Variants in STX8 observed in about 807,000 individuals in gnomAD.
STX8 encodes syntaxin-8.
STX8 carries 23 observed loss-of-function variants against 37.5 expected under a neutral mutation model. The ratio of observed to expected loss-of-function variants is 0.61; its 90% CI spans 0.44 to 0.87. The LOEUF is 0.87. Ranked by LOEUF, STX8 falls within the 40% of genes least tolerant of loss-of-function variation. STX8 has a pLI of 0.00. For missense variants in STX8, 313 were observed against 284.7 expected (o/e 1.10, Z -0.71); for synonymous variants, 115 against 99.1 (o/e 1.16, Z -0.95).
rs1422394341 is a variant in STX8, at chr17:9,557,421, T to C, written c.212+13A>G. On this transcript the variant is annotated intron_variant, in intron 3 of 7. Coordinates refer to ENST00000306357, the MANE Select transcript of STX8 (RefSeq NM_004853.3). Reference sequence around the variant, plus strand: ...CCACTCTAGAAAAGAGGTGGAAATGTTTACATGGATACATCTGATGTGTTG... The same window carrying C: ...CCACTCTAGAAAAGAGGTGGAAATGCTTACATGGATACATCTGATGTGTTG... The C allele has an allele frequency of 1.2e-6, 2 of 1,607,342 alleles. No homozygotes were observed. Among genetic ancestry groups the C allele is most frequent in the East Asian group, 2.2e-5 (1 of 44,836 alleles).
chr17:9,388,443 C>G (rs1384045804), intron 6 of STX8, among the ~76,000 whole-genome samples: 1 of 151,686 alleles, frequency 6.6e-6, no homozygotes. Context: ...AAAAAGTAAA[C>G]ATTATCCAAA....
At chr17:9,522,806 A>G (rs572112944) in intron 4 of STX8, among the ~76,000 whole-genome samples, 2 of 152,208 alleles carry the variant, frequency 1.3e-5, no homozygotes, top group East Asian at 3.9e-4. Context: ...AAGGTTGGTT[A>G]AGGGAGACAG....
chr17:9,386,747 CAT>C (rs1209323263), intron 6 of STX8, among the ~76,000 whole-genome samples: 1 of 152,174 alleles, frequency 6.6e-6, no homozygotes, highest in African/African-American at 2.4e-5. Context: ...CATGGAAACT[CAT>C]GAGAAAATCA....
At chr17:9,378,414 T>G (rs1911674647) in intron 7 of STX8, 138 bp downstream of exon 7, 9 of 688,312 alleles carry the variant, frequency 1.3e-5, no homozygotes, top group Non-Finnish European at 2.3e-5. Flanking sequence ...TTTAGCAATT[T>G]CAGTGCTTCA....
At chr17:9,371,518 C>T (rs895778501) in intron 7 of STX8, among the ~76,000 whole-genome samples, 3 of 152,146 alleles carry the variant, frequency 2.0e-5, no homozygotes, top group African/African-American at 4.8e-5. Flanking sequence ...CGCTGTATCT[C>T]GAAGCTCTTG....
At chr17:9,380,859 G>A (rs1911785931) in intron 6 of STX8, among the ~76,000 whole-genome samples, 1 of 151,494 alleles carries the variant, frequency 6.6e-6, no homozygotes, top group South Asian at 2.1e-4. Context: ...GATTACGGGT[G>A]CGCACCACCC....
At chr17:9,449,428 C>T (rs555605060) in intron 6 of STX8, among the ~76,000 whole-genome samples, 57 of 152,284 alleles carry the variant, frequency 3.7e-4, no homozygotes, top group African/African-American at 1.3e-3. Flanking sequence ...GACATGGCGG[C>T]GGGCGCCTGT....
intron 6 of STX8, among the ~76,000 whole-genome samples, chr17:9,466,484 C>T (rs1254453680): frequency 6.6e-6 from 1 of 152,086 alleles, no homozygotes; most frequent in Non-Finnish European, 1.5e-5. Context: ...ATTTTTGGCT[C>T]TTGAGAAGGC....
chr17:9,379,797 C>T (rs1024541814), intron 6 of STX8, among the ~76,000 whole-genome samples: 1 of 151,898 alleles, frequency 6.6e-6, no homozygotes, highest in Non-Finnish European at 1.5e-5. Context: ...GGTGAAACCC[C>T]GTCTCTACCA....
intron 4 of STX8, among the ~76,000 whole-genome samples, chr17:9,529,331 G>C (rs1905716322): frequency 6.6e-6 from 1 of 152,076 alleles, no homozygotes; most frequent in Non-Finnish European, 1.5e-5. Context: ...GCAAATATAT[G>C]CAAATATGTA....
At chr17:9,374,165 T>G (rs1390177411) in intron 7 of STX8, among the ~76,000 whole-genome samples, 5 of 151,126 alleles carry the variant, frequency 3.3e-5, no homozygotes, top group African/African-American at 1.2e-4. Flanking sequence ...CACTGCAACC[T>G]CTGCCTCCCA....
intron 2 of STX8, among the ~76,000 whole-genome samples, chr17:9,558,473 G>A (rs775064786): frequency 2.0e-5 from 3 of 152,102 alleles, no homozygotes; most frequent in Non-Finnish European, 1.5e-5. Flanking sequence ...CATACCCCTG[G>A]GAACCAAGGA....
chr17:9,395,532 C>T (rs113900032), intron 6 of STX8, among the ~76,000 whole-genome samples: 110 of 152,018 alleles, frequency 7.2e-4, no homozygotes, highest in African/African-American at 2.2e-3. Context: ...GAGCCCAGAT[C>T]GCACCACTGC....
chr17:9,382,568 C>T (rs935178171), intron 6 of STX8, among the ~76,000 whole-genome samples: 2 of 152,182 alleles, frequency 1.3e-5, no homozygotes, highest in Admixed American at 1.3e-4. Context: ...TCTCCTAATG[C>T]TATCCCTCCC....
chr17:9,346,730 A>G (rs550962238), intron 7 of STX8, among the ~76,000 whole-genome samples: 1 of 152,380 alleles, frequency 6.6e-6, no homozygotes, highest in South Asian at 2.1e-4. Flanking sequence ...GACTGGCCAC[A>G]GTGACACCAT....
At chr17:9,384,835 C>T (rs1367947200) in intron 6 of STX8, among the ~76,000 whole-genome samples, 4 of 117,926 alleles carry the variant, frequency 3.4e-5, no homozygotes, top group South Asian at 2.6e-4. Flanking sequence ...CACACACGCA[C>T]GTGCTCAATT....
intron 6 of STX8, among the ~76,000 whole-genome samples, chr17:9,446,676 C>G (rs932229160): frequency 6.6e-6 from 1 of 152,128 alleles, no homozygotes; most frequent in Non-Finnish European, 1.5e-5. Context: ...GGAAATATAG[C>G]AGTTTCCAGA....
intron 2 of STX8, 67 bp downstream of exon 2, chr17:9,568,304 G>A (rs1597749230): frequency 8.3e-7 from 1 of 1,200,042 alleles, no homozygotes; most frequent in Non-Finnish European, 1.2e-6. Context: ...CTCAAAGAAA[G>A]ATAGGAGGGT....
chr17:9,483,114 A>G (rs1906417479), intron 6 of STX8, among the ~76,000 whole-genome samples: 1 of 152,072 alleles, frequency 6.6e-6, no homozygotes, highest in African/African-American at 2.4e-5. Context: ...CTGGAACAAT[A>G]GGCATTTACT....
Sources: allele counts gnomAD v4.1 joint callset (sites outside exome capture counted in the v4.1 genomes callset), GRCh38; gene constraint gnomAD v4.1.1; transcripts MANE v1.5; gene names NCBI Gene and HGNC (gene_info 2026-07-23, HGNC 2026-07-21).